The following NHSL3 variants were observed in gnomAD, a reference collection of about 807,000 sequenced individuals.
NHSL3 encodes the protein NHS like 3.
chr1:32,771,989 A>C, the NHSL3 span: 2 of 1,604,774 alleles, frequency 1.2e-6, no homozygotes, highest in East Asian at 4.5e-5. Flanking sequence ...GTCCGACTCA[A>C]GGCCTGCAGC....
the NHSL3 span, among the ~76,000 whole-genome samples, chr1:32,747,247 G>A: frequency 2.6e-5 from 4 of 151,400 alleles, no homozygotes; most frequent in East Asian, 5.8e-4. Context: ...GTGCAGTGGC[G>A]AGATCTCAGG....
chr1:32,754,994 C>T, the NHSL3 span, among the ~76,000 whole-genome samples: 8 of 152,014 alleles, frequency 5.3e-5, no homozygotes, highest in African/African-American at 1.9e-4. Context: ...AGCCACCGAG[C>T]TGGAACGCAG....
At chr1:32,766,875 A>AT in the NHSL3 span, among the ~76,000 whole-genome samples, 2 of 152,184 alleles carry the variant, frequency 1.3e-5, no homozygotes, top group East Asian at 3.9e-4. Context: ...TTTGTAATGG[A>AT]TCCCTGGCTC....
chr1:32,772,401 G>C, the NHSL3 span: 22 of 1,555,432 alleles, frequency 1.4e-5, no homozygotes, highest in Non-Finnish European at 1.8e-5. Flanking sequence ...GTGTCCTGCA[G>C]CTGGTGGGCC....
the NHSL3 span, among the ~76,000 whole-genome samples, chr1:32,748,556 A>G: frequency 6.6e-6 from 1 of 152,090 alleles, no homozygotes; most frequent in East Asian, 1.9e-4. Context: ...GTGAACTCCT[A>G]TTCAGCCCTC....
At chr1:32,752,930 C>A in the NHSL3 span, among the ~76,000 whole-genome samples, 1 of 18,306 alleles carries the variant, frequency 5.5e-5, no homozygotes, top group African/African-American at 1.2e-4. Context: ...CACACACACA[C>A]ACACACACAC....
chr1:32,768,872 T>C, the NHSL3 span: 1 of 1,420,294 alleles, frequency 7.0e-7, no homozygotes, highest in Non-Finnish European at 9.6e-7. Flanking sequence ...CCAGGCTCTC[T>C]GATTCAATGA....
chr1:32,771,808 C>T, the NHSL3 span: 7 of 1,612,750 alleles, frequency 4.3e-6, no homozygotes, highest in South Asian at 2.2e-5. Context: ...CGTAGGTGCG[C>T]CCCTGGTCAC....
the NHSL3 span, chr1:32,770,949 T>TGG: frequency 2.6e-6 from 4 of 1,563,152 alleles, no homozygotes; most frequent in African/African-American, 1.4e-5. This position sits in a 1 kb window ranked among gnomAD's most constrained non-coding sequence, Gnocchi z 8.3. Context: ...AAAGTGGTAC[T>TGG]CCCACCCTCC....
the NHSL3 span, among the ~76,000 whole-genome samples, chr1:32,753,521 A>C: frequency 6.6e-6 from 1 of 152,264 alleles, no homozygotes; most frequent in Admixed American, 6.5e-5. Flanking sequence ...GACCTACCTT[A>C]CACAATTGTG....
chr1:32,770,905 C>A, the NHSL3 span: 1 of 1,610,606 alleles, frequency 6.2e-7, no homozygotes, highest in East Asian at 2.2e-5. This position sits in a 1 kb window ranked among gnomAD's most constrained non-coding sequence, Gnocchi z 8.3. Context: ...GTCCCCAGAA[C>A]GGACACTTTC....
chr1:32,752,126 A>C, the NHSL3 span, among the ~76,000 whole-genome samples: 1 of 152,122 alleles, frequency 6.6e-6, no homozygotes, highest in Admixed American at 6.6e-5. Context: ...TCTCTGTGCA[A>C]AGTGTACACG....
chr1:32,747,181 TTTTTTGTTTTGTTTTG>T, the NHSL3 span, among the ~76,000 whole-genome samples: 1 of 151,062 alleles, frequency 6.6e-6, no homozygotes, highest in African/African-American at 2.5e-5. Context: ...AGATGGTTTT[TTTTTTGTTTTGTTTTG>T]TTTTTTGAGA....
the NHSL3 span, among the ~76,000 whole-genome samples, chr1:32,745,192 A>G: frequency 6.6e-6 from 1 of 151,948 alleles, no homozygotes; most frequent in African/African-American, 2.4e-5. Context: ...AGGGGTTGCT[A>G]TGCCTGTGTT....
At chr1:32,742,958 T>A in the NHSL3 span, among the ~76,000 whole-genome samples, 1 of 152,096 alleles carries the variant, frequency 6.6e-6, no homozygotes, top group Admixed American at 6.5e-5. Flanking sequence ...AACAGCTAAT[T>A]CTCAGTCTTT....
chr1:32,747,854 C>T, the NHSL3 span, among the ~76,000 whole-genome samples: 1 of 152,234 alleles, frequency 6.6e-6, no homozygotes, highest in South Asian at 2.1e-4. Context: ...CGCCTGTAAT[C>T]CCAGTGCTTT....
At chr1:32,746,104 G>A in the NHSL3 span, among the ~76,000 whole-genome samples, 7 of 151,768 alleles carry the variant, frequency 4.6e-5, no homozygotes, top group East Asian at 9.7e-4. Context: ...GGTGTCGGGC[G>A]CCTGTAGTCC....
the NHSL3 span, among the ~76,000 whole-genome samples, chr1:32,760,602 T>G: frequency 1.4e-3 from 205 of 149,334 alleles, no homozygotes; most frequent in African/African-American, 4.1e-3. Context: ...TTTTTTTTTT[T>G]TTGTTTGAGA....
At chr1:32,753,082 C>T in the NHSL3 span, among the ~76,000 whole-genome samples, 1 of 151,394 alleles carries the variant, frequency 6.6e-6, no homozygotes, top group South Asian at 2.1e-4. Context: ...GATTCTCCTG[C>T]CTCAGCCTTC....
Sources: allele counts gnomAD v4.1 joint callset (sites outside exome capture counted in the v4.1 genomes callset), GRCh38; gene constraint gnomAD v4.1.1; non-coding constraint Gnocchi (gnomAD v3.1); transcripts MANE v1.5; gene names NCBI Gene and HGNC (gene_info 2026-07-23, HGNC 2026-07-21).